PDE10A: variants seen among roughly 807,000 people sequenced by gnomAD.
PDE10A encodes phosphodiesterase 10A.
In PDE10A, 39 loss-of-function variants were observed where a neutral mutation model predicts 97.7. The ratio of observed to expected loss-of-function variants is 0.40; its 90% CI spans 0.31 to 0.52. PDE10A has a LOEUF of 0.52. Among genes scored for constraint, PDE10A ranks in the 20% least tolerant of loss-of-function variants. PDE10A has a pLI of 0.56. For missense variants in PDE10A, 731 were observed against 1,047.8 expected (o/e 0.70, Z 4.17); for synonymous variants, 371 against 376.8 (o/e 0.98, Z 0.18).
chr6:165,436,476 A>C (rs1016618617), intron 5 of PDE10A, among the ~76,000 whole-genome samples: 5 of 152,182 alleles, frequency 3.3e-5, no homozygotes, highest in Admixed American at 3.3e-4. Context: ...AGGAAGGGAG[A>C]GAAAAGCAAA....
Position 165,390,386 on chromosome 6 carries a change from A to G in PDE10A, c.2455-1933T>C, listed in dbSNP as rs543887762. 1.5e-4 allele frequency among the ~76,000 whole-genome samples: 23 copies of G among 152,284 alleles called. 1 individual carries two copies. The South Asian group carries it at 3.7e-3, about 25-fold the overall frequency. On this transcript the variant is annotated intron_variant, in intron 16 of 21. Coordinates refer to ENST00000539869, the MANE Select transcript of PDE10A (RefSeq NM_001385079.1). The stretch of plus-strand genomic sequence containing the variant: ...GAAAGAATGCGAGGAGAGGATTTTG[A>G]AAGAGTCAATAGGGTAATGCTTACA...
intron 1 of PDE10A, among the ~76,000 whole-genome samples, chr6:165,914,630 A>T (rs1353617546): frequency 6.6e-6 from 1 of 152,204 alleles, no homozygotes; most frequent in Non-Finnish European, 1.5e-5. Context: ...CACTAGAAAA[A>T]GTGGATGAGA....
rs191741224 is a variant in PDE10A at position 165,800,704 on chromosome 6, A to T, written c.-615+186825T>A. ...GAAGTGAAGCACCTCGTCCATGGAC[A>T]AACCATCAATCGATGGGCAAGGTAC... On this transcript the variant is annotated intron_variant, in intron 1 of 19. Coordinates refer to the PDE10A transcript ENST00000366882. 1.1e-4 allele frequency among the ~76,000 whole-genome samples: 16 copies of T among 152,372 alleles called. No homozygotes were observed. In the East Asian group the frequency reaches 2.7e-3, roughly 26 times the overall value.
Position 165,655,925 on chromosome 6 carries a change from T to C in PDE10A, c.865+6022A>G, listed in dbSNP as rs1287335112. On this transcript the variant is annotated intron_variant, in intron 1 of 21. Transcript: ENST00000539869. This position sits in a 1 kb window ranked among gnomAD's most constrained non-coding sequence, Gnocchi z 4.5. Reference sequence around the variant, plus strand: ...GGGTGCTTTTCCCCAGATAACTGCATGGCCGATGACACCTTGTCACTCAGA... The same window carrying C: ...GGGTGCTTTTCCCCAGATAACTGCACGGCCGATGACACCTTGTCACTCAGA... 1.4e-4 allele frequency among the ~76,000 whole-genome samples: 21 copies of C among 152,064 alleles called. No individual in the cohort carries two copies. Among genetic ancestry groups the C allele is most frequent in the Non-Finnish European group, 3.1e-4 (21 of 68,028 alleles).
At chr6:165,439,875 A>C (rs1235626842) in intron 5 of PDE10A, among the ~76,000 whole-genome samples, 1 of 152,192 alleles carries the variant, frequency 6.6e-6, no homozygotes, top group Non-Finnish European at 1.5e-5. Flanking sequence ...ACCATCTTTT[A>C]ATGAAATAGA....
chr6:165,424,171 C>G (rs1788941818), intron 10 of PDE10A, among the ~76,000 whole-genome samples: 1 of 152,160 alleles, frequency 6.6e-6, no homozygotes, highest in Non-Finnish European at 1.5e-5. Flanking sequence ...GTCACAGCAT[C>G]AGGAAAGCTT....
chr6:165,848,608 G>A (rs761241930), intron 1 of PDE10A, among the ~76,000 whole-genome samples: 3 of 152,202 alleles, frequency 2.0e-5, no homozygotes, highest in Non-Finnish European at 2.9e-5. Context: ...GTTGTTGGGG[G>A]AGGGTGGTGA....
chr6:165,557,450 T>G (rs893845353), intron 1 of PDE10A, among the ~76,000 whole-genome samples: 1 of 152,224 alleles, frequency 6.6e-6, no homozygotes, highest in African/African-American at 2.4e-5. Flanking sequence ...CATTATCATT[T>G]ATTTAAAGAC....
chr6:165,784,236 G>T (rs1486597454), intron 1 of PDE10A, among the ~76,000 whole-genome samples: 6 of 148,274 alleles, frequency 4.0e-5, no homozygotes, highest in African/African-American at 1.3e-4. Context: ...AAAAAAAAAA[G>T]AAAAAAGAAA....
At chr6:165,503,782 A>G (rs887329044) in intron 2 of PDE10A, among the ~76,000 whole-genome samples, 1 of 152,218 alleles carries the variant, frequency 6.6e-6, no homozygotes, top group Non-Finnish European at 1.5e-5. Flanking sequence ...AAGTATCTAT[A>G]AGACCAAGTA....
chr6:165,587,682 C>G (rs1392376774), intron 1 of PDE10A, among the ~76,000 whole-genome samples: 2 of 151,624 alleles, frequency 1.3e-5, no homozygotes, highest in Non-Finnish European at 2.9e-5. Flanking sequence ...TCCTATTTAC[C>G]TGATTGATAG....
At chr6:165,538,728 C>T (rs956759289) in intron 2 of PDE10A, among the ~76,000 whole-genome samples, 31 of 152,166 alleles carry the variant, frequency 2.0e-4, no homozygotes, top group African/African-American at 7.2e-4. Flanking sequence ...AATACTGGAA[C>T]GGCATTAGTG....
intron 1 of PDE10A, among the ~76,000 whole-genome samples, chr6:165,701,725 G>A (rs9356382): frequency 0.12 from 17,739 of 151,348 alleles, 1,546 homozygotes; most frequent in East Asian, 0.23. Context: ...GTGTTTGCGC[G>A]TGTGTGCATG....
intron 1 of PDE10A, among the ~76,000 whole-genome samples, chr6:165,836,941 C>T (rs539533406): frequency 2.0e-4 from 30 of 150,984 alleles, no homozygotes; most frequent in Non-Finnish European, 3.4e-4. Context: ...AGTAAACTAT[C>T]GCAAGAACAA....
rs1189373947 is a variant in PDE10A at position 165,422,284 on chromosome 6, CACGCATACACACAT to C, written c.1654-3521_1654-3508del. 2.7e-4 allele frequency among the ~76,000 whole-genome samples: 38 copies of C among 142,394 alleles called. 1 individual carries two copies. Among genetic ancestry groups the C allele is most frequent in the Middle Eastern group, 3.8e-3 (1 of 266 alleles). 93.4% of individuals were successfully genotyped at this position (142,394 alleles called of 152,430 possible). ...ATACACACACATACGCATACACACA[CACGCATACACACAT>C]ACGCATACACACATACGCATATACA... is the stretch of plus-strand genomic sequence containing the variant. On this transcript the variant is annotated intron_variant, in intron 10 of 21. Coordinates refer to ENST00000539869, the MANE Select transcript of PDE10A (RefSeq NM_001385079.1).
chr6:165,891,847 G>C (rs773371213), intron 1 of PDE10A, among the ~76,000 whole-genome samples: 45 of 152,116 alleles, frequency 3.0e-4, no homozygotes, highest in Non-Finnish European at 6.5e-4. Context: ...GGCAACAAAA[G>C]CCATGACCCT....
Position 165,328,386 on chromosome 6 carries a change from T to G in PDE10A, c.*4639A>C, listed in dbSNP as rs2128169538. ...AGAAACAAAACCCTTCTGCTTAAAC[T>G]TCTGCAAATACACAGTACCTCAAAA... On this transcript the variant is annotated 3_prime_UTR_variant, in exon 22 of 22. Transcript: ENST00000539869. 6.6e-6 allele frequency: 1 copy of G among 152,370 alleles called. No individual in the cohort carries two copies. The highest frequency in any genetic ancestry group is 2.1e-4 in the South Asian group (1 of 4,828). 9.4% of individuals were successfully genotyped at this position (152,370 alleles called of 1,614,324 possible).
chr6:165,920,421 G>A (rs1782721609), intron 1 of PDE10A, among the ~76,000 whole-genome samples: 1 of 152,126 alleles, frequency 6.6e-6, no homozygotes, highest in African/African-American at 2.4e-5. Flanking sequence ...TTGTTAATCT[G>A]GAGACAGAAA....
At chr6:165,533,923 A>C (rs949508879) in intron 2 of PDE10A, among the ~76,000 whole-genome samples, 9 of 152,162 alleles carry the variant, frequency 5.9e-5, no homozygotes, top group Non-Finnish European at 1.2e-4. Context: ...AAATTATCAA[A>C]ATCCAAATAA....
Sources: gnomAD v4.1 joint callset for allele counts (sites outside exome capture counted in the v4.1 genomes callset) on GRCh38, gnomAD v4.1.1 for gene constraint, Gnocchi (gnomAD v3.1) non-coding constraint, MANE v1.5 for transcripts, NCBI Gene and HGNC (gene_info 2026-07-23, HGNC 2026-07-21) for gene names.